The following LRP1B variants were observed in gnomAD, a reference collection of about 807,000 sequenced individuals.
The protein encoded by LRP1B is low-density lipoprotein receptor-related protein 1B.
A neutral mutation model predicts 556.6 loss-of-function variants in LRP1B; 217 were observed. The ratio of observed to expected loss-of-function variants is 0.39; its 90% confidence interval spans 0.35 to 0.44. The LOEUF is 0.44. LRP1B is among the 20% of genes least tolerant of loss of function. The pLI is 1.00. For missense variants in LRP1B, 5,053 were observed against 5,620.8 expected (o/e 0.90, Z 3.23); for synonymous variants, 2,047 against 1,865.8 (o/e 1.10, Z -2.50).
At chr2:140,318,708 G>C (rs1684641071) in intron 82 of LRP1B, among the ~76,000 whole-genome samples, 1 of 152,032 alleles carries the variant, frequency 6.6e-6, no homozygotes, top group Non-Finnish European at 1.5e-5. Context: ...TGTATTGTGT[G>C]ACGATTAACA....
chr2:141,557,261 G>A lies in LRP1B; in HGVS notation c.206-76728C>T, dbSNP rs144138905. On this transcript the variant is annotated intron_variant, in intron 2 of 90. Coordinates refer to ENST00000389484, the MANE Select transcript of LRP1B (RefSeq NM_018557.3). The stretch of plus-strand genomic sequence containing the variant: ...GGAAACAAACAAACAACAACGAAAC[G>A]AAGAGAGTGCACAGAAAGAAAAGTA... Among the ~76,000 whole-genome samples, 32 of 151,746 alleles carry A rather than the reference G, an allele frequency of 2.1e-4. No homozygotes were observed. In the South Asian group the frequency reaches 6.3e-3, roughly 30 times the overall value.
At chr2:140,911,767 C>T (rs2105238780) in intron 21 of LRP1B, among the ~76,000 whole-genome samples, 1 of 151,852 alleles carries the variant, frequency 6.6e-6, no homozygotes, top group Non-Finnish European at 1.5e-5. Context: ...TATCAAAATG[C>T]AACTTCCTTT....
intron 1 of LRP1B, among the ~76,000 whole-genome samples, chr2:141,815,179 T>C (rs1696493542): frequency 6.6e-6 from 1 of 152,064 alleles, no homozygotes; most frequent in South Asian, 2.1e-4. Flanking sequence ...ACTGAAACAA[T>C]AGTAGAAACA....
chr2:140,262,903 G>C lies in LRP1B; in HGVS notation c.13247+7339C>G, dbSNP rs537353161. On this transcript the variant is annotated intron_variant, in intron 86 of 90. Transcript: ENST00000389484. ...ATAAACAAAAAGGGGCTATGGAAAT[G>C]TGCGAAAACCGATAAAAATATGTTT... Among the ~76,000 whole-genome samples, 51 of 152,224 alleles carry C rather than the reference G, an allele frequency of 3.4e-4. 1 individual carries two copies. Among genetic ancestry groups the C allele is most frequent in the African/African-American group, 1.2e-3 (48 of 41,570 alleles).
At chr2:142,064,511 A>T (rs1009404573) in intron 1 of LRP1B, among the ~76,000 whole-genome samples, 8 of 151,572 alleles carry the variant, frequency 5.3e-5, no homozygotes, top group Non-Finnish European at 1.0e-4. Context: ...TAATTTTAAT[A>T]TCCAGCACTG....
intron 2 of LRP1B, among the ~76,000 whole-genome samples, chr2:141,737,681 C>T (rs143066444): frequency 2.6e-5 from 4 of 152,104 alleles, no homozygotes; most frequent in Non-Finnish European, 5.9e-5. Context: ...GAGATTTTGC[C>T]TCTTGCTTTC....
chr2:141,904,319 G>A (rs1699698676), intron 1 of LRP1B, among the ~76,000 whole-genome samples: 1 of 151,806 alleles, frequency 6.6e-6, no homozygotes, highest in Non-Finnish European at 1.5e-5. Flanking sequence ...GCTCAGGGTG[G>A]ATTTGTAGAG....
chr2:141,270,870 T>C (rs1280032614), intron 3 of LRP1B, among the ~76,000 whole-genome samples: 2 of 151,872 alleles, frequency 1.3e-5, no homozygotes, highest in African/African-American at 4.8e-5. Context: ...AGATAGATGG[T>C]TGCACAACAG....
At chr2:141,166,916 G>A (rs1680291181) in intron 7 of LRP1B, among the ~76,000 whole-genome samples, 2 of 151,856 alleles carry the variant, frequency 1.3e-5, no homozygotes, top group Non-Finnish European at 2.9e-5. Context: ...TTTTCTAACA[G>A]TGCAGAGTAT....
intron 86 of LRP1B, among the ~76,000 whole-genome samples, chr2:140,252,074 A>AC (rs1681452506): frequency 4.3e-5 from 5 of 115,720 alleles, no homozygotes; most frequent in African/African-American, 1.7e-4. Flanking sequence ...AAAAAAAAAA[A>AC]AAAAAAAAAA....
chr2:140,956,686 G>A (rs937077370), intron 18 of LRP1B, among the ~76,000 whole-genome samples: 2 of 151,572 alleles, frequency 1.3e-5, no homozygotes, highest in South Asian at 2.1e-4. Context: ...AATTGTCATC[G>A]TTTTGCCACT....
intron 7 of LRP1B, among the ~76,000 whole-genome samples, chr2:141,174,776 A>C (rs909025339): frequency 3.9e-5 from 6 of 152,132 alleles, no homozygotes; most frequent in African/African-American, 2.4e-5. Context: ...ACTGGGTAAC[A>C]GTCAGAGGTT....
chr2:140,883,280 A>G (rs1177494630), intron 25 of LRP1B, among the ~76,000 whole-genome samples: 4 of 152,118 alleles, frequency 2.6e-5, no homozygotes. Context: ...CCAGAATCAT[A>G]TGCTTTGTCT....
chr2:140,433,899 C>T (rs72898290), intron 66 of LRP1B, among the ~76,000 whole-genome samples: 47,098 of 150,202 alleles, frequency 0.31, 7,846 homozygotes, highest in Non-Finnish European at 0.34. Context: ...CATTTAAATA[C>T]TGGGTGTGTG....
intron 7 of LRP1B, among the ~76,000 whole-genome samples, chr2:141,152,854 C>T (rs1293592359): frequency 1.3e-5 from 2 of 151,506 alleles, no homozygotes; most frequent in Non-Finnish European, 3.0e-5. Context: ...AACACCTACA[C>T]TTTCCAAAAT....
intron 66 of LRP1B, among the ~76,000 whole-genome samples, chr2:140,427,920 G>A (rs1685734417): frequency 6.6e-6 from 1 of 152,044 alleles, no homozygotes; most frequent in South Asian, 2.1e-4. Context: ...GCCGTGACTA[G>A]CCCTCCCCCA....
chr2:140,561,698 AC>A (rs1680936654), intron 43 of LRP1B, among the ~76,000 whole-genome samples: 1 of 152,120 alleles, frequency 6.6e-6, no homozygotes, highest in Non-Finnish European at 1.5e-5. Context: ...TAACATCTAT[AC>A]AAATTTCCTC....
intron 1 of LRP1B, among the ~76,000 whole-genome samples, chr2:141,925,843 T>C (rs920339575): frequency 6.6e-6 from 1 of 152,182 alleles, no homozygotes; most frequent in East Asian, 1.9e-4. Flanking sequence ...GACTTCTTGG[T>C]TTAAATTCCA....
chr2:141,503,875 C>T (rs1363085514), intron 2 of LRP1B, among the ~76,000 whole-genome samples: 1 of 152,076 alleles, frequency 6.6e-6, no homozygotes, highest in African/African-American at 2.4e-5. Context: ...AACTAATAAA[C>T]ACAACAGAGC....
Sources: gnomAD v4.1 joint callset for allele counts (sites outside exome capture counted in the v4.1 genomes callset) on GRCh38, gnomAD v4.1.1 for gene constraint, MANE v1.5 for transcripts, NCBI Gene and HGNC (gene_info 2026-07-23, HGNC 2026-07-21) for gene names.